TSHZ2: variants seen among roughly 807,000 people sequenced by gnomAD.
TSHZ2 encodes teashirt homolog 2.
A neutral mutation model predicts 74.4 loss-of-function variants in TSHZ2; 21 were observed. The observed-to-expected ratio is 0.28, with a 90% CI of 0.20 to 0.41. The LOEUF is 0.41. Ranked by LOEUF, TSHZ2 falls within the 10% of genes least tolerant of loss-of-function variation. The probability of loss-of-function intolerance (pLI) is 1.00; values close to 1 mark genes in which losing one functional copy is unlikely to be tolerated. For missense variants in TSHZ2, 1,244 were observed against 1,293.5 expected (o/e 0.96, Z 0.59); for synonymous variants, 540 against 515.3 (o/e 1.05, Z -0.65).
At chr20:53,000,598 T>G (rs1982372450) in intron 1 of TSHZ2, among the ~76,000 whole-genome samples, 1 of 152,278 alleles carries the variant, frequency 6.6e-6, no homozygotes, top group South Asian at 2.1e-4. Context: ...ACAGGCAGTA[T>G]GGAGATAAAA....
rs1484123533 is a variant in TSHZ2 at position 53,469,679 on chromosome 20, AGGAAGGAC to A, written c.*9-17461_*9-17454del. Among the ~76,000 whole-genome samples, 15 of 85,728 alleles carry A rather than the reference AGGAAGGAC, an allele frequency of 1.7e-4. 3 individuals carry two copies. Among genetic ancestry groups the A allele is most frequent in the Non-Finnish European group, 3.0e-4 (12 of 40,646 alleles). The allele number at this position is 85,728 out of a possible 152,430, so 56.2% of individuals were successfully genotyped here. A position where few individuals can be genotyped will look rare whatever the true frequency, so the allele number is the denominator to read the frequency against. On this transcript the variant is annotated intron_variant, in intron 2 of 2. Coordinates refer to ENST00000371497, the MANE Select transcript of TSHZ2 (RefSeq NM_173485.6). The stretch of plus-strand genomic sequence containing the variant: ...AAGGAAGGAAGGAAGGAAGGAAGGA[AGGAAGGAC>A]GGACCCAAGAAAGATAGAGAAAGAG...
intron 2 of TSHZ2, among the ~76,000 whole-genome samples, chr20:53,298,425 A>T (rs1013507242): frequency 6.6e-6 from 1 of 152,166 alleles, no homozygotes; most frequent in African/African-American, 2.4e-5. Context: ...GTCATCAAGG[A>T]CCCCACTCTG....
chr20:53,069,968 A>G (rs1012658591), intron 1 of TSHZ2, among the ~76,000 whole-genome samples: 3 of 152,204 alleles, frequency 2.0e-5, no homozygotes, highest in African/African-American at 4.8e-5. Context: ...TGTATTGTTT[A>G]TAGCTAGATT....
chr20:53,148,711 T>C lies in TSHZ2; in HGVS notation c.41-104788T>C, dbSNP rs550324891. On this transcript the variant is annotated intron_variant, in intron 1 of 2. Transcript: ENST00000371497. ...TAAAGAAAATGAAGACATCTCCCAA[T>C]CTTTTCTGAGATTGCCATCAACATA... Among the ~76,000 whole-genome samples the C allele has an allele frequency of 9.1e-4, 139 of 152,284 alleles. 2 individuals carry two copies. The highest frequency in any genetic ancestry group is 1.9e-3 in the South Asian group (9 of 4,814).
chr20:53,361,051 T>C (rs1981030484), intron 2 of TSHZ2, among the ~76,000 whole-genome samples: 1 of 152,204 alleles, frequency 6.6e-6, no homozygotes, highest in Non-Finnish European at 1.5e-5. Flanking sequence ...ACATTGGCTC[T>C]GTACCCGCTG....
chr20:52,978,377 C>T (rs13042084), intron 1 of TSHZ2, among the ~76,000 whole-genome samples: 17,240 of 152,136 alleles, frequency 0.11, 1,127 homozygotes, highest in East Asian at 0.19. Flanking sequence ...TTAGCTGACA[C>T]GAGGTAAATG....
At chr20:53,155,409 C>T (rs959249335) in intron 1 of TSHZ2, among the ~76,000 whole-genome samples, 26 of 151,794 alleles carry the variant, frequency 1.7e-4, no homozygotes, top group African/African-American at 5.8e-4. Context: ...CAAAAGGAAC[C>T]CGTGGGATAT....
At chr20:53,276,101 G>C (rs1990940665) in intron 2 of TSHZ2, among the ~76,000 whole-genome samples, 1 of 152,158 alleles carries the variant, frequency 6.6e-6, no homozygotes, top group Non-Finnish European at 1.5e-5. Flanking sequence ...TGGTTCAAAG[G>C]ATGTATGCCG....
chr20:53,197,923 G>A (rs1988912026), intron 1 of TSHZ2, among the ~76,000 whole-genome samples: 1 of 152,202 alleles, frequency 6.6e-6, no homozygotes, highest in Non-Finnish European at 1.5e-5. Flanking sequence ...TTTGAAGTAA[G>A]CATGGGCATT....
At position 53,234,311 on chromosome 20, in the gene TSHZ2, G is replaced by A. The variant is rs558051443; in HGVS notation, c.41-19188G>A. 2.0e-4 allele frequency among the ~76,000 whole-genome samples: 30 copies of A among 152,298 alleles called. 1 individual carries two copies. Among genetic ancestry groups the A allele is most frequent in the Middle Eastern group, 6.8e-3 (2 of 294 alleles). ...TCCTTTGGGAGTTGAAAATGTCAAA[G>A]ATTCATGAAATTTTCATTGAGTCAT... On this transcript the variant is annotated intron_variant, in intron 1 of 2. Coordinates refer to ENST00000371497, the MANE Select transcript of TSHZ2 (RefSeq NM_173485.6).
intron 1 of TSHZ2, among the ~76,000 whole-genome samples, chr20:53,199,775 G>A (rs1988955318): frequency 6.6e-6 from 1 of 152,190 alleles, no homozygotes; most frequent in Non-Finnish European, 1.5e-5. Context: ...GCAAAGGTGT[G>A]TGTAGTGTAT....
At chr20:53,029,938 G>A (rs186953717) in intron 1 of TSHZ2, among the ~76,000 whole-genome samples, 3 of 152,188 alleles carry the variant, frequency 2.0e-5, no homozygotes, top group Non-Finnish European at 4.4e-5. Context: ...AATAAAATCT[G>A]TCTTTGGATG....
intron 2 of TSHZ2, among the ~76,000 whole-genome samples, chr20:53,265,241 G>A (rs1260253412): frequency 2.0e-5 from 3 of 152,162 alleles, no homozygotes; most frequent in Non-Finnish European, 4.4e-5. Context: ...AAGTCCCAGT[G>A]AGAACATTCA....
In TSHZ2 at chr20:53,254,008, C is replaced by T. The variant is rs373234486; in HGVS notation, c.550C>T (p.Arg184Trp). 8.7e-6 allele frequency: 14 copies of T among 1,614,000 alleles called. No homozygotes were observed. The highest frequency in any genetic ancestry group is 4.4e-5 in the South Asian group (4 of 91,074). The change falls in exon 2 of 3, where the codon CGG becomes TGG. Residue 184 changes from arginine to tryptophan, a missense_variant. Coordinates refer to ENST00000371497, the MANE Select transcript of TSHZ2 (RefSeq NM_173485.6). The part of the protein sequence containing the change: ...SKSLQQNLPS[R>W]SVSKPSLFSS... Reference sequence around the variant, plus strand: ...AAGCCTGCAGCAGAACTTGCCTTCTCGGTCCGTCTCGAAACCCAGCCTGTT... The same window carrying T: ...AAGCCTGCAGCAGAACTTGCCTTCTTGGTCCGTCTCGAAACCCAGCCTGTT...
chr20:53,093,007 G>T (rs1250485919), intron 1 of TSHZ2, among the ~76,000 whole-genome samples: 1 of 152,208 alleles, frequency 6.6e-6, no homozygotes, highest in Non-Finnish European at 1.5e-5. Flanking sequence ...CCCTGGGACT[G>T]TAGTTTGCCC....
chr20:53,059,493 T>C (rs1355197349), intron 1 of TSHZ2, among the ~76,000 whole-genome samples: 1 of 152,134 alleles, frequency 6.6e-6, no homozygotes, highest in Non-Finnish European at 1.5e-5. Context: ...TTTACAAAAA[T>C]GAAAATCTGT....
intron 1 of TSHZ2, among the ~76,000 whole-genome samples, chr20:53,095,857 T>C (rs1228436836): frequency 6.6e-6 from 1 of 151,948 alleles, no homozygotes; most frequent in Non-Finnish European, 1.5e-5. Context: ...AAGTGGAAAG[T>C]GGGGAGCAGA....
At chr20:53,450,812 C>T (rs1018175344) in intron 2 of TSHZ2, among the ~76,000 whole-genome samples, 1 of 152,170 alleles carries the variant, frequency 6.6e-6, no homozygotes, top group African/African-American at 2.4e-5. Context: ...ATGTAATCCA[C>T]CACTCCTGGC....
intron 1 of TSHZ2, among the ~76,000 whole-genome samples, chr20:53,123,691 G>A (rs544082200): frequency 6.6e-6 from 1 of 152,104 alleles, no homozygotes; most frequent in East Asian, 1.9e-4. Flanking sequence ...AAGTTAGCCG[G>A]CAAAGGGCAT....
Sources: allele counts gnomAD v4.1 joint callset (sites outside exome capture counted in the v4.1 genomes callset), GRCh38; gene constraint gnomAD v4.1.1; transcripts MANE v1.5; gene names NCBI Gene and HGNC (gene_info 2026-07-23, HGNC 2026-07-21).